Variants in NALF1 observed in about 807,000 individuals in gnomAD.
The protein encoded by NALF1 is NALCN channel auxiliary factor 1.
In NALF1, 3 loss-of-function variants were observed where a neutral mutation model predicts 48.4. The observed-to-expected ratio is 0.06, with a 90% confidence interval of 0.03 to 0.16. NALF1 has a LOEUF of 0.16. NALF1 is among the 10% of genes least tolerant of loss of function. The pLI, the probability that NALF1 is intolerant of heterozygous loss-of-function variation, is 1.00. For missense variants in NALF1, 526 were observed against 571.5 expected (o/e 0.92, Z 0.81); for synonymous variants, 262 against 245.7 (o/e 1.07, Z -0.62).
chr13:107,248,036 T>G (rs1594088300), intron 1 of NALF1, among the ~76,000 whole-genome samples: 1 of 151,908 alleles, frequency 6.6e-6, no homozygotes, highest in East Asian at 1.9e-4. Flanking sequence ...GGCAGGAGAG[T>G]TATGCACCTG....
At chr13:107,785,243 C>A (rs1878038332) in intron 1 of NALF1, among the ~76,000 whole-genome samples, 1 of 151,918 alleles carries the variant, frequency 6.6e-6, no homozygotes, top group Non-Finnish European at 1.5e-5. Flanking sequence ...AGCTGAGCTC[C>A]CAGGAGGCAG....
intron 1 of NALF1, among the ~76,000 whole-genome samples, chr13:107,856,038 G>A (rs1880434345): frequency 6.6e-6 from 1 of 151,706 alleles, no homozygotes; most frequent in Admixed American, 6.6e-5. Context: ...CTGTGTAGCT[G>A]GGACACAGGT....
intron 1 of NALF1, among the ~76,000 whole-genome samples, chr13:107,332,136 T>C (rs1013906406): frequency 5.3e-5 from 8 of 152,210 alleles, no homozygotes; most frequent in African/African-American, 1.9e-4. Flanking sequence ...TATAAAACAA[T>C]TAGCTTTTGA....
At chr13:107,749,559 C>T (rs1876874792) in intron 1 of NALF1, among the ~76,000 whole-genome samples, 1 of 151,792 alleles carries the variant, frequency 6.6e-6, no homozygotes, top group Non-Finnish European at 1.5e-5. Context: ...TAAAAACTAT[C>T]CTTGAGATAT....
intron 1 of NALF1, among the ~76,000 whole-genome samples, chr13:107,371,226 C>T (rs930217057): frequency 2.0e-5 from 3 of 152,102 alleles, no homozygotes; most frequent in Non-Finnish European, 4.4e-5. Flanking sequence ...GAGAGAGAAT[C>T]GCTTGAGCAC....
At chr13:107,395,803 T>C (rs1883702522) in intron 1 of NALF1, among the ~76,000 whole-genome samples, 1 of 152,112 alleles carries the variant, frequency 6.6e-6, no homozygotes, top group Admixed American at 6.5e-5. Context: ...TTTCACGTAA[T>C]TTTCCCTCTG....
intron 1 of NALF1, among the ~76,000 whole-genome samples, chr13:107,755,928 C>T (rs530124390): frequency 6.6e-6 from 1 of 152,198 alleles, no homozygotes; most frequent in South Asian, 2.1e-4. Context: ...TAGATTTCTA[C>T]ATGAAAGACA....
At chr13:107,659,626 A>G (rs1880676072) in intron 1 of NALF1, among the ~76,000 whole-genome samples, 1 of 151,288 alleles carries the variant, frequency 6.6e-6, no homozygotes, top group South Asian at 2.1e-4. Context: ...TTCTTTTTAT[A>G]TGGTGCTTAG....
intron 1 of NALF1, among the ~76,000 whole-genome samples, chr13:107,638,949 T>C (rs1005281314): frequency 6.6e-6 from 1 of 152,178 alleles, no homozygotes; most frequent in African/African-American, 2.4e-5. Flanking sequence ...CACTGATGGC[T>C]GACGTCTGGC....
intron 1 of NALF1, among the ~76,000 whole-genome samples, chr13:107,491,900 TTAATGA>T (rs1566364167): frequency 2.6e-5 from 4 of 152,036 alleles, no homozygotes; most frequent in African/African-American, 7.3e-5. Flanking sequence ...ATTTTAAATG[TTAATGA>T]TAATATCATT....
At chr13:107,795,927 T>C (rs1274296610) in intron 1 of NALF1, among the ~76,000 whole-genome samples, 1 of 152,188 alleles carries the variant, frequency 6.6e-6, no homozygotes, top group Non-Finnish European at 1.5e-5. Flanking sequence ...TATTTTCTTA[T>C]TCTCTGTTTG....
intron 1 of NALF1, among the ~76,000 whole-genome samples, chr13:107,631,297 C>G (rs1415535147): frequency 6.6e-6 from 1 of 152,140 alleles, no homozygotes; most frequent in Admixed American, 6.5e-5. Flanking sequence ...GACCTGCTTG[C>G]TATACTGGAG....
intron 1 of NALF1, among the ~76,000 whole-genome samples, chr13:107,599,151 G>C (rs117228820): frequency 1.3e-5 from 2 of 152,098 alleles, no homozygotes; most frequent in Admixed American, 1.3e-4. Context: ...ACCATCTCTA[G>C]GGATGTGCCT....
intron 1 of NALF1, among the ~76,000 whole-genome samples, chr13:107,649,857 C>T (rs569735364): frequency 1.3e-5 from 2 of 152,230 alleles, no homozygotes; most frequent in African/African-American, 4.8e-5. Flanking sequence ...AAAGGTGACC[C>T]TAACTAAGCA....
In NALF1 at chr13:107,451,587, C is replaced by T. The variant is rs1054021614; in HGVS notation, c.916-240832G>A. ...ATGCTCCAGGTATTTCAGCTCCTTT[C>T]TCTTCCATCAGCATTTTTATTCTCT... is the stretch of plus-strand genomic sequence containing the variant. On this transcript the variant is annotated intron_variant, in intron 1 of 2. Transcript: ENST00000375915. Among the ~76,000 whole-genome samples the T allele has an allele frequency of 2.6e-5, 4 of 152,174 alleles. No homozygotes were observed. The South Asian group carries it at 8.3e-4, about 32-fold the overall frequency.
chr13:107,342,107 C>G (rs1190086010), intron 1 of NALF1, among the ~76,000 whole-genome samples: 1 of 152,138 alleles, frequency 6.6e-6, no homozygotes, highest in African/African-American at 2.4e-5. Flanking sequence ...AATTGGTCCA[C>G]ATGCCAATGT....
chr13:107,537,510 A>G (rs1351617071), intron 1 of NALF1, among the ~76,000 whole-genome samples: 1 of 152,108 alleles, frequency 6.6e-6, no homozygotes, highest in Non-Finnish European at 1.5e-5. Flanking sequence ...CATTGCCACA[A>G]TATTTTTACA....
At chr13:107,684,624 G>C (rs1005524877) in intron 1 of NALF1, among the ~76,000 whole-genome samples, 1 of 152,042 alleles carries the variant, frequency 6.6e-6, no homozygotes, top group African/African-American at 2.4e-5. Flanking sequence ...TTCTAAAATA[G>C]AATACTGACA....
chr13:107,691,387 A>G (rs1225027248), intron 1 of NALF1, among the ~76,000 whole-genome samples: 2 of 152,190 alleles, frequency 1.3e-5, no homozygotes, highest in Non-Finnish European at 2.9e-5. Context: ...AGCCCTAGGA[A>G]ACTGATAAAG....
Sources: allele counts gnomAD v4.1 joint callset (sites outside exome capture counted in the v4.1 genomes callset), GRCh38; gene constraint gnomAD v4.1.1; transcripts MANE v1.5; gene names NCBI Gene and HGNC (gene_info 2026-07-23, HGNC 2026-07-21).